Variants in KLF12 observed in about 807,000 individuals in gnomAD.
The protein encoded by KLF12 is KLF transcription factor 12.
In KLF12, 9 loss-of-function variants were observed where a neutral mutation model predicts 37.8. The observed-to-expected ratio is 0.24, with a 90% CI of 0.14 to 0.42. KLF12 has a LOEUF of 0.42. KLF12 is among the 10% of genes least tolerant of loss of function. The pLI is 1.00. For synonymous variants in KLF12, 208 were observed against 202.1 expected, an observed-to-expected ratio of 1.03 and a Z score of -0.25; for missense variants, 411 against 516.0, an observed-to-expected ratio of 0.80 and a Z score of 1.97.
At position 73,731,170 on chromosome 13, in the gene KLF12, C is replaced by T. The variant is rs189593529; in HGVS notation, c.870-15645G>A. 1.1e-4 allele frequency among the ~76,000 whole-genome samples: 16 copies of T among 152,048 alleles called. No homozygotes were observed. In the East Asian group the frequency reaches 2.3e-3, roughly 22 times the overall value. On this transcript the variant is annotated intron_variant, in intron 6 of 7. Coordinates refer to ENST00000377669, the MANE Select transcript of KLF12 (RefSeq NM_007249.5). Reference sequence around the variant, plus strand: ...AGTTCTTGGTAACTGATTGGATAACCGGGGATAAGGGCGAGAGAGGAGCGA... The same window carrying T: ...AGTTCTTGGTAACTGATTGGATAACTGGGGATAAGGGCGAGAGAGGAGCGA...
chr13:73,751,988 ATTTAT>A (rs1314539350), intron 6 of KLF12, among the ~76,000 whole-genome samples: 2 of 151,768 alleles, frequency 1.3e-5, no homozygotes, highest in Non-Finnish European at 2.9e-5. Flanking sequence ...TTACCTATGG[ATTTAT>A]TTTATTTTTT....
rs149202116 is a variant in KLF12 at position 74,081,740 on chromosome 13, C to T, written c.-32+51999G>A. Reference sequence around the variant, plus strand: ...TATATCTTTGCATACAGGCATGGAACGCCTCCTTCCATAGATTTACAATAA... The same window carrying T: ...TATATCTTTGCATACAGGCATGGAATGCCTCCTTCCATAGATTTACAATAA... On this transcript the variant is annotated intron_variant, in intron 1 of 7. Transcript: ENST00000377669. Among the ~76,000 whole-genome samples the T allele has an allele frequency of 8.7e-4, 132 of 152,246 alleles. 1 individual carries two copies. The East Asian group carries it at 0.016, about 19-fold the overall frequency.
chr13:74,226,635 C>T, the KLF12 span, among the ~76,000 whole-genome samples: 1 of 152,036 alleles, frequency 6.6e-6, no homozygotes, highest in African/African-American at 2.4e-5. Flanking sequence ...CTTCTATCTG[C>T]CTTCAATATG....
At position 74,114,737 on chromosome 13, in the gene KLF12, T is replaced by G. The variant is rs145121954; in HGVS notation, c.-32+19002A>C. Among the ~76,000 whole-genome samples the G allele has an allele frequency of 3.3e-5, 5 of 152,308 alleles. No homozygotes were observed. In the East Asian group the frequency reaches 9.6e-4, roughly 29 times the overall value. On this transcript the variant is annotated intron_variant, in intron 1 of 7. Transcript: ENST00000377669. The stretch of plus-strand genomic sequence containing the variant: ...CTCAATACTTGAAAATACTGAAGTT[T>G]TAGATGGGTGTTCATCTCACAGATG...
Position 74,108,466 on chromosome 13 carries a change from C to T in KLF12, c.-32+25273G>A, listed in dbSNP as rs921470668. On this transcript the variant is annotated intron_variant, in intron 1 of 7. Transcript: ENST00000377669. Reference sequence around the variant, plus strand: ...TCAAATTTTATATGAAGAGCAAATACCCTGTATTTTCAAACATACAGTTGA... The same window carrying T: ...TCAAATTTTATATGAAGAGCAAATATCCTGTATTTTCAAACATACAGTTGA... Among the ~76,000 whole-genome samples, 9 of 151,956 alleles carry T rather than the reference C, an allele frequency of 5.9e-5. No homozygotes were observed. The East Asian group carries it at 7.7e-4, about 13-fold the overall frequency.
intron 6 of KLF12, among the ~76,000 whole-genome samples, chr13:73,754,403 G>A (rs1218895071): frequency 6.6e-6 from 1 of 152,106 alleles, no homozygotes; most frequent in Non-Finnish European, 1.5e-5. Context: ...TCTGACTGGT[G>A]TGCCCGGGAC....
chr13:74,275,446 T>C, the KLF12 span, among the ~76,000 whole-genome samples: 1 of 152,300 alleles, frequency 6.6e-6, no homozygotes, highest in African/African-American at 2.4e-5. Flanking sequence ...AATAATCAAA[T>C]TTTTCCTAGA....
chr13:73,833,600 T>G (rs1437567941), intron 4 of KLF12, among the ~76,000 whole-genome samples: 1 of 151,994 alleles, frequency 6.6e-6, no homozygotes, highest in Non-Finnish European at 1.5e-5. Flanking sequence ...GTGGGGGTGG[T>G]GGTGGTATAT....
At chr13:73,758,049 T>C (rs1879290704) in intron 6 of KLF12, among the ~76,000 whole-genome samples, 1 of 152,018 alleles carries the variant, frequency 6.6e-6, no homozygotes, top group Non-Finnish European at 1.5e-5. Context: ...ACATGACCAT[T>C]GCTTTGAGTT....
intron 1 of KLF12, among the ~76,000 whole-genome samples, chr13:74,124,099 T>C (rs939934157): frequency 2.0e-5 from 3 of 152,230 alleles, no homozygotes; most frequent in Non-Finnish European, 2.9e-5. Context: ...GGCCTCAGCC[T>C]AAAGCCTTGG....
the KLF12 span, among the ~76,000 whole-genome samples, chr13:74,171,749 A>G: frequency 6.6e-6 from 1 of 152,230 alleles, no homozygotes; most frequent in Non-Finnish European, 1.5e-5. Flanking sequence ...TTCAGCTGCT[A>G]AAAAGACTCC....
chr13:73,928,159 A>G (rs576985724), intron 3 of KLF12, among the ~76,000 whole-genome samples: 4 of 152,326 alleles, frequency 2.6e-5, no homozygotes, highest in Admixed American at 2.0e-4. Context: ...CCTGGCCAAC[A>G]TCTATCTCTT....
the KLF12 span, among the ~76,000 whole-genome samples, chr13:74,168,935 A>G: frequency 6.6e-6 from 1 of 152,208 alleles, no homozygotes; most frequent in African/African-American, 2.4e-5. Context: ...ATATTTGTGG[A>G]GTATTGTTGC....
At chr13:74,212,997 G>A in the KLF12 span, among the ~76,000 whole-genome samples, 1 of 151,974 alleles carries the variant, frequency 6.6e-6, no homozygotes, top group Non-Finnish European at 1.5e-5. Context: ...CTAATAAAAA[G>A]TATAATATAT....
At chr13:74,136,280 G>C (rs2139052427), upstream of KLF12, among the ~76,000 whole-genome samples, 1 of 152,300 alleles carries the variant, frequency 6.6e-6, no homozygotes, top group East Asian at 1.9e-4. Flanking sequence ...GGGGAATGCA[G>C]CCGCAACTCC....
rs35268742 is a variant in KLF12 at position 73,867,405 on chromosome 13, C to CGTGT, written c.124-21036_124-21033dup. Among the ~76,000 whole-genome samples the CGTGT allele has an allele frequency of 4.0e-5, 6 of 150,322 alleles. No individual in the cohort carries two copies. In the East Asian group the frequency reaches 9.9e-4, roughly 25 times the overall value. ...ATATACATACATACATACATATATA[C>CGTGT]GTGTGTGTGTATATATATATATATA... On this transcript the variant is annotated intron_variant, in intron 3 of 7. Transcript: ENST00000377669.
intron 1 of KLF12, among the ~76,000 whole-genome samples, chr13:74,030,289 G>C (rs1404161947): frequency 1.3e-5 from 2 of 152,060 alleles, no homozygotes; most frequent in African/African-American, 4.8e-5. Flanking sequence ...ACCTCTTTCG[G>C]ACAAAGCAAA....
intron 3 of KLF12, among the ~76,000 whole-genome samples, chr13:73,928,101 C>T (rs1007812294): frequency 6.6e-6 from 1 of 152,190 alleles, no homozygotes; most frequent in Admixed American, 6.5e-5. Context: ...CATGATCTGC[C>T]TGCCTCAGCC....
At chr13:74,291,570 C>T in the KLF12 span, among the ~76,000 whole-genome samples, 4 of 152,122 alleles carry the variant, frequency 2.6e-5, no homozygotes, top group Non-Finnish European at 5.9e-5. Context: ...AGTCCACAGG[C>T]AGGGCTGTAT....
Sources: allele counts gnomAD v4.1 joint callset (sites outside exome capture counted in the v4.1 genomes callset), GRCh38; gene constraint gnomAD v4.1.1; transcripts MANE v1.5; gene names NCBI Gene and HGNC (gene_info 2026-07-23, HGNC 2026-07-21).